MALRD1: variants seen among roughly 807,000 people sequenced by gnomAD.
MALRD1 encodes MAM and LDL receptor class A domain containing 1.
In MALRD1, 247 loss-of-function variants were observed where a neutral mutation model predicts 242.1. The ratio of observed to expected loss-of-function variants is 1.02; its 90% CI spans 0.92 to 1.13. MALRD1 has a LOEUF of 1.13. Among genes scored for constraint, MALRD1 ranks in the 50% most tolerant of loss-of-function variants. The probability of loss-of-function intolerance (pLI) is 0.00; values close to 1 mark genes in which losing one functional copy is unlikely to be tolerated. For missense variants in MALRD1, 2,989 were observed against 2,533.1 expected (o/e 1.18, Z -3.86); for synonymous variants, 995 against 866.6 (o/e 1.15, Z -2.60).
intron 18 of MALRD1, among the ~76,000 whole-genome samples, chr10:19,213,926 C>A (rs1249660382): frequency 6.6e-6 from 1 of 152,162 alleles, no homozygotes; most frequent in Non-Finnish European, 1.5e-5. Context: ...GAGGCAAGAT[C>A]CTTCTGGGTA....
intron 5 of MALRD1, among the ~76,000 whole-genome samples, chr10:19,121,177 A>T (rs536243645): frequency 1.1e-4 from 17 of 150,316 alleles, no homozygotes; most frequent in African/African-American, 3.9e-4. Context: ...CCTGGCTGGG[A>T]TTACAGGCGT....
intron 31 of MALRD1, among the ~76,000 whole-genome samples, chr10:19,521,961 GT>G (rs1354225136): frequency 7.4e-6 from 1 of 135,752 alleles, no homozygotes; most frequent in Non-Finnish European, 1.5e-5. Flanking sequence ...CTGATTATAT[GT>G]TTTCATAATC....
intron 33 of MALRD1, among the ~76,000 whole-genome samples, chr10:19,585,620 T>C (rs560213720): frequency 4.6e-5 from 7 of 152,220 alleles, no homozygotes; most frequent in Non-Finnish European, 8.8e-5. Context: ...GGCTTCCCTT[T>C]GTAGGTAACC....
intron 19 of MALRD1, among the ~76,000 whole-genome samples, chr10:19,264,675 G>A (rs748094591): frequency 1.3e-5 from 2 of 151,970 alleles, no homozygotes; most frequent in Non-Finnish European, 2.9e-5. Flanking sequence ...GGATGGTCTC[G>A]ATCTCCTGGC....
rs188761074 is a variant in MALRD1, at chr10:19,063,799, G to C, written c.200-2920G>C. ...CACATTCTGGGGACTGTTGTGGGGT[G>C]GGGGGAGGCGGGAGGGATAGCATTA... On this transcript the variant is annotated intron_variant, in intron 1 of 39. Transcript: ENST00000454679. Among the ~76,000 whole-genome samples, 516 of 150,874 alleles carry C rather than the reference G, an allele frequency of 3.4e-3. 6 individuals are homozygous for C. Among genetic ancestry groups the C allele is most frequent in the East Asian group, 0.021 (107 of 5,088 alleles).
chr10:19,126,407 A>C (rs1474794446), intron 7 of MALRD1, among the ~76,000 whole-genome samples: 2 of 151,804 alleles, frequency 1.3e-5, no homozygotes, highest in Non-Finnish European at 1.5e-5. Context: ...TATATAATTT[A>C]CTCTATTTTG....
intron 19 of MALRD1, among the ~76,000 whole-genome samples, chr10:19,267,896 G>C (rs1840032835): frequency 6.6e-6 from 1 of 152,062 alleles, no homozygotes; most frequent in South Asian, 2.1e-4. Context: ...TCTGTAAATT[G>C]ATTTAGCATA....
chr10:19,270,148 C>T (rs757377383), intron 19 of MALRD1, among the ~76,000 whole-genome samples: 2 of 152,138 alleles, frequency 1.3e-5, no homozygotes, highest in African/African-American at 2.4e-5. Context: ...AACCCGGTCT[C>T]TACTGAAAAT....
chr10:19,294,257 G>A (rs992793037), intron 21 of MALRD1, among the ~76,000 whole-genome samples: 2 of 152,090 alleles, frequency 1.3e-5, no homozygotes, highest in Non-Finnish European at 2.9e-5. Context: ...GTGAAGAATT[G>A]TTATAATTGC....
chr10:19,126,106 T>A (rs1338945644), intron 7 of MALRD1, among the ~76,000 whole-genome samples: 1 of 152,090 alleles, frequency 6.6e-6, no homozygotes, highest in South Asian at 2.1e-4. Flanking sequence ...TAGCTCCTGA[T>A]ATGTGCTGTA....
intron 13 of MALRD1, among the ~76,000 whole-genome samples, chr10:19,166,533 T>A (rs1834693287): frequency 6.6e-6 from 1 of 152,328 alleles, no homozygotes; most frequent in Non-Finnish European, 1.5e-5. Flanking sequence ...AGGGCAATTA[T>A]AACAAGTTAT....
At chr10:19,542,966 A>C (rs376984151) in intron 32 of MALRD1, among the ~76,000 whole-genome samples, 1 of 152,164 alleles carries the variant, frequency 6.6e-6, no homozygotes, top group African/African-American at 2.4e-5. Flanking sequence ...CCCTCTTTGT[A>C]GTTTCCATGG....
chr10:19,211,928 A>T (rs1837090297), intron 18 of MALRD1, among the ~76,000 whole-genome samples: 1 of 152,076 alleles, frequency 6.6e-6, no homozygotes, highest in African/African-American at 2.4e-5. Context: ...TTTCACGATC[A>T]CTCATGTAAA....
At chr10:19,539,898 G>GTGTGTT (rs1834878434) in intron 32 of MALRD1, among the ~76,000 whole-genome samples, 1 of 47,134 alleles carries the variant, frequency 2.1e-5, no homozygotes, top group African/African-American at 7.0e-5. Context: ...GTGTGTGTGT[G>GTGTGTT]CGCGCGCGCG....
At chr10:19,711,479 G>A (rs1475233859) in intron 38 of MALRD1, among the ~76,000 whole-genome samples, 1 of 152,270 alleles carries the variant, frequency 6.6e-6, no homozygotes, top group South Asian at 2.1e-4. Context: ...ACTGCAATAA[G>A]CATATATCAA....
rs114933094 is a variant in MALRD1 at position 19,552,151 on chromosome 10, G to C, written c.5479-15351G>C. 3.2e-3 allele frequency among the ~76,000 whole-genome samples: 491 copies of C among 152,114 alleles called. 2 individuals carry two copies. Among genetic ancestry groups the C allele is most frequent in the African/African-American group, 0.011 (469 of 41,508 alleles). On this transcript the variant is annotated intron_variant, in intron 32 of 39. Coordinates refer to ENST00000454679, the MANE Select transcript of MALRD1 (RefSeq NM_001142308.3). ...CCCTCCTTTTCAATTTTTTTGTATA[G>C]TTTCTCTAGGAATGGTACCAGCTAT...
chr10:19,352,044 G>A lies in MALRD1; in HGVS notation c.4188G>A (p.Gly1396=). The stretch of plus-strand genomic sequence containing the variant: ...ATCACATGTATGGAAATGGCATTGG[G>A]GCACTCACCTTAATGCAGGTGTCAG... ...FHYHMYGNGI[G]ALTLMQVSVT... Residue 1396 remains glycine (G), a synonymous_variant, in exon 26 of 40, where the codon GGG becomes GGA. Coordinates refer to ENST00000454679, the MANE Select transcript of MALRD1 (RefSeq NM_001142308.3). The A allele has an allele frequency of 2.6e-6, 4 of 1,550,174 alleles. No individual in the cohort carries two copies. Among genetic ancestry groups the A allele is most frequent in the Non-Finnish European group, 3.5e-6 (4 of 1,146,714 alleles).
At chr10:19,243,026 G>A (rs1440988150) in intron 18 of MALRD1, among the ~76,000 whole-genome samples, 3 of 149,030 alleles carry the variant, frequency 2.0e-5, no homozygotes, top group Non-Finnish European at 4.5e-5. Context: ...TTTCTAGTTT[G>A]GTGGTTTTCT....
chr10:19,596,649 T>C (rs183644324), intron 34 of MALRD1, among the ~76,000 whole-genome samples: 7 of 152,100 alleles, frequency 4.6e-5, no homozygotes, highest in Non-Finnish European at 1.0e-4. Context: ...AAGGATTGCT[T>C]GGGCCCAGGA....
Sources: gnomAD v4.1 joint callset for allele counts (sites outside exome capture counted in the v4.1 genomes callset) on GRCh38, gnomAD v4.1.1 for gene constraint, MANE v1.5 for transcripts, NCBI Gene and HGNC (gene_info 2026-07-23, HGNC 2026-07-21) for gene names.